The following MAP3K21 variants were observed in gnomAD, a reference collection of about 807,000 sequenced individuals.
The protein encoded by MAP3K21 is mitogen-activated protein kinase kinase kinase MLK4.
Under a neutral mutation model 86.1 loss-of-function variants are expected in MAP3K21, and 63 were observed. The ratio of observed to expected loss-of-function variants is 0.73; its 90% confidence interval spans 0.60 to 0.90. The LOEUF (loss-of-function observed/expected upper bound fraction) is 0.90. MAP3K21 is among the 40% of genes least tolerant of loss of function. The probability of loss-of-function intolerance (pLI) is 0.00; values close to 1 mark genes in which losing one functional copy is unlikely to be tolerated. For missense variants in MAP3K21, 1,220 were observed against 1,367.7 expected (o/e 0.89, Z 1.70); for synonymous variants, 558 against 564.8 (o/e 0.99, Z 0.17).
intron 4 of MAP3K21, among the ~76,000 whole-genome samples, chr1:233,358,469 A>ATATGT (rs1663404490): frequency 1.5e-5 from 1 of 68,766 alleles, no homozygotes; most frequent in Non-Finnish European, 3.0e-5. Flanking sequence ...AAAGACTCTA[A>ATATGT]TTTGTTTTTT....
Position 233,328,633 on chromosome 1 carries a change from TC to T in MAP3K21, c.606del (p.Phe202LeufsTer43). On this transcript the variant is annotated frameshift_variant, in exon 1 of 10. Coordinates refer to ENST00000366624, the MANE Select transcript of MAP3K21 (RefSeq NM_032435.3). LOFTEE classifies it high-confidence loss of function. The surrounding 1 kb of genome is among the most constrained non-coding windows in gnomAD (Gnocchi z 8.7). ...QQPHLCLVLE[F>X]ARGGALNRAL... ...CCGCACCTCTGCCTGGTGCTGGAGT[TC>T]GCCCGCGGCGGAGCGCTCAACCGAG... is the stretch of plus-strand genomic sequence containing the variant. 6.9e-7 allele frequency: 1 copy of T among 1,456,130 alleles called. No individual in the cohort carries two copies. The highest frequency in any genetic ancestry group is 9.0e-7 in the Non-Finnish European group (1 of 1,106,856). 90.2% of individuals were successfully genotyped at this position (1,456,130 alleles called of 1,614,324 possible). A position where few individuals can be genotyped will look rare whatever the true frequency, so the allele number is the denominator to read the frequency against.
intron 6 of MAP3K21, among the ~76,000 whole-genome samples, chr1:233,374,801 C>T (rs1022728439): frequency 1.3e-5 from 2 of 151,236 alleles, no homozygotes; most frequent in African/African-American, 4.9e-5. Flanking sequence ...TATGTATCAT[C>T]TGTACCTCAT....
Position 233,384,214 on chromosome 1 carries a change from T to C in MAP3K21, c.*1503T>C, listed in dbSNP as rs1663965774. Reference sequence around the variant, plus strand: ...ATTTAAAATAAATTCAATTGTGTGATAAAATATCTCACCTATAATAGAAGA... The same window carrying C: ...ATTTAAAATAAATTCAATTGTGTGACAAAATATCTCACCTATAATAGAAGA... On this transcript the variant is annotated 3_prime_UTR_variant, in exon 10 of 10. Coordinates refer to ENST00000366624, the MANE Select transcript of MAP3K21 (RefSeq NM_032435.3). 6.6e-6 allele frequency: 1 copy of C among 152,234 alleles called. No homozygotes were observed. Among genetic ancestry groups the C allele is most frequent in the Non-Finnish European group, 1.5e-5 (1 of 68,030 alleles). 9.4% of individuals were successfully genotyped at this position (152,234 alleles called of 1,614,324 possible).
rs569950280 is a variant in MAP3K21 at position 233,378,720 on chromosome 1, G to A, written c.1925-211G>A. 3.3e-5 allele frequency among the ~76,000 whole-genome samples: 5 copies of A among 152,278 alleles called. No individual in the cohort carries two copies. The East Asian group carries it at 9.7e-4, about 29-fold the overall frequency. ...GGAAACAGCAGATGGCTAGCTTGCT[G>A]GTTCATCTGCAGGGAACCTGAAGTT... On this transcript the variant is annotated intron_variant, in intron 8 of 9. Coordinates refer to ENST00000366624, the MANE Select transcript of MAP3K21 (RefSeq NM_032435.3).
chr1:233,374,725 C>CTA (rs77872498), intron 6 of MAP3K21, among the ~76,000 whole-genome samples: 33,534 of 151,416 alleles, frequency 0.22, 3,878 homozygotes, highest in South Asian at 0.31. Flanking sequence ...ATACAGGCAT[C>CTA]TATAAACACA....
At chr1:233,350,935 T>C (rs1441293556) in intron 2 of MAP3K21, among the ~76,000 whole-genome samples, 3 of 152,210 alleles carry the variant, frequency 2.0e-5, no homozygotes, top group Non-Finnish European at 4.4e-5. Context: ...TCTTTTCACA[T>C]TGGTTTTTCA....
Position 233,353,905 on chromosome 1 carries a change from C to G in MAP3K21, c.1085C>G (p.Thr362Ser), listed in dbSNP as rs568426757. The G allele has an allele frequency of 4.3e-6, 7 of 1,613,176 alleles. No individual in the cohort carries two copies. In the South Asian group the frequency reaches 7.7e-5, roughly 18 times the overall value. The change falls in exon 3 of 10, where the codon ACT becomes AGT. Residue 362 changes from threonine (T) to serine (S), a missense_variant. Transcript: ENST00000366624. ...TATGGGGTAGCAGTCAATAAACTCA[C>G]TTTGCCCATTCCATCCACCTGCCCT... is the stretch of plus-strand genomic sequence containing the variant. ...VAYGVAVNKL[T>S]LPIPSTCPEP... is the part of the protein sequence containing the mutation.
intron 2 of MAP3K21, among the ~76,000 whole-genome samples, chr1:233,353,020 C>T (rs538611548): frequency 1.2e-4 from 19 of 152,246 alleles, no homozygotes; most frequent in African/African-American, 3.9e-4. Flanking sequence ...TAGTGAAATT[C>T]GGCTCTTCAT....
chr1:233,342,755 T>C (rs1663060414), intron 1 of MAP3K21, among the ~76,000 whole-genome samples: 1 of 152,104 alleles, frequency 6.6e-6, no homozygotes, highest in Admixed American at 6.5e-5. Context: ...AAAGGTTATT[T>C]CAAATGGAAG....
In MAP3K21 at chr1:233,376,415, A is replaced by G. The variant is rs1663798020; in HGVS notation, c.1827-15A>G. ...GTGCTTCTATCTTATGAAAAGAAAC[A>G]TTTTTCTCTTGTAGGATAAGACCTC... On this transcript the variant is annotated splice_polypyrimidine_tract_variant and intron_variant, in intron 7 of 9. Transcript: ENST00000366624. The G allele has an allele frequency of 6.3e-7, 1 of 1,579,390 alleles. No homozygotes were observed. The highest frequency in any genetic ancestry group is 8.7e-7 in the Non-Finnish European group (1 of 1,149,340).
intron 5 of MAP3K21, among the ~76,000 whole-genome samples, chr1:233,369,220 C>CAAAAAAAAAA (rs35461412): frequency 1.9e-5 from 2 of 105,634 alleles, no homozygotes; most frequent in African/African-American, 3.6e-5. Context: ...TAGTAAAATA[C>CAAAAAAAAAA]AAAAAAAAAA....
At chr1:233,353,528 A>T (rs1313927453) in intron 2 of MAP3K21, among the ~76,000 whole-genome samples, 1 of 152,184 alleles carries the variant, frequency 6.6e-6, no homozygotes, top group East Asian at 1.9e-4. Flanking sequence ...GTTTAATTCA[A>T]TTGTGTACTA....
Position 233,353,737 on chromosome 1 carries a change from T to C in MAP3K21, c.987-70T>C. 8.0e-6 allele frequency: 11 copies of C among 1,371,404 alleles called. No homozygotes were observed. In the South Asian group the frequency reaches 2.1e-4, roughly 26 times the overall value. The allele number at this position is 1,371,404 out of a possible 1,614,324, so 85.0% of individuals were successfully genotyped here. ...ATGGATGAAGGTACTGAAGGGTTTATCTCACTAAGTGTGTCATAAGGAAAA... is the reference window on the plus strand; with the variant it reads ...ATGGATGAAGGTACTGAAGGGTTTACCTCACTAAGTGTGTCATAAGGAAAA... On this transcript the variant is annotated intron_variant, in intron 2 of 9. Coordinates refer to ENST00000366624, the MANE Select transcript of MAP3K21 (RefSeq NM_032435.3).
rs1558462094 is a variant in MAP3K21, at chr1:233,372,149, G to GA, written c.1665dup (p.Ala556SerfsTer8). The GA allele has an allele frequency of 6.2e-7, 1 of 1,614,090 alleles. No individual in the cohort carries two copies. Among genetic ancestry groups the GA allele is most frequent in the Non-Finnish European group, 8.5e-7 (1 of 1,180,004 alleles). Reference sequence around the variant, plus strand: ...AGCCCCACAATGATGCCCCGACTCCGAGCCATACAGTGTGAGCTTTCTGCA... The same window carrying GA: ...AGCCCCACAATGATGCCCCGACTCCGAAGCCATACAGTGTGAGCTTTCTGCA... On this transcript the variant is annotated frameshift_variant, in exon 6 of 10. Coordinates refer to ENST00000366624, the MANE Select transcript of MAP3K21 (RefSeq NM_032435.3). LOFTEE classifies it high-confidence loss of function.
At chr1:233,361,652 T>C (rs895138786) in intron 4 of MAP3K21, among the ~76,000 whole-genome samples, 4 of 152,320 alleles carry the variant, frequency 2.6e-5, no homozygotes, top group African/African-American at 9.6e-5. Flanking sequence ...TTGAAATGGG[T>C]CATTCACATC....
intron 2 of MAP3K21, among the ~76,000 whole-genome samples, chr1:233,347,903 A>T (rs1271057026): frequency 3.3e-5 from 5 of 152,196 alleles, no homozygotes; most frequent in Non-Finnish European, 5.9e-5. Context: ...GAAAGAATTT[A>T]AAAAAGGATA....
intron 6 of MAP3K21, among the ~76,000 whole-genome samples, chr1:233,375,214 T>C (rs951616785): frequency 6.6e-6 from 1 of 152,258 alleles, no homozygotes; most frequent in East Asian, 1.9e-4. Flanking sequence ...ACTGCTGGGA[T>C]TACAGGCGTG....
intron 9 of MAP3K21, 38 bp from the exon 10 acceptor site, chr1:233,382,267 T>C (rs1663931461): frequency 6.5e-7 from 1 of 1,538,744 alleles, no homozygotes; most frequent in Non-Finnish European, 8.9e-7. Context: ...GAACTCATTT[T>C]CTTTCTAACT....
chr1:233,338,608 G>A (rs1662960465), intron 1 of MAP3K21, among the ~76,000 whole-genome samples: 1 of 152,192 alleles, frequency 6.6e-6, no homozygotes, highest in Non-Finnish European at 1.5e-5. Flanking sequence ...TGGGTCATCT[G>A]GGAAAGAACA....
Sources: allele counts gnomAD v4.1 joint callset (sites outside exome capture counted in the v4.1 genomes callset), GRCh38; gene constraint gnomAD v4.1.1; non-coding constraint Gnocchi (gnomAD v3.1); transcripts MANE v1.5; gene names NCBI Gene and HGNC (gene_info 2026-07-23, HGNC 2026-07-21).